The following ATP10A variants were observed in gnomAD, a reference collection of about 807,000 sequenced individuals.
ATP10A encodes phospholipid-transporting ATPase VA.
Under a neutral mutation model 147.8 loss-of-function variants are expected in ATP10A, and 111 were observed. That is an observed-to-expected ratio of 0.75 (90% confidence interval 0.64 to 0.88). ATP10A has a LOEUF of 0.88. ATP10A is among the 40% of genes least tolerant of loss of function. The pLI is 0.00. For synonymous variants in ATP10A, 875 were observed against 841.6 expected (o/e 1.04, Z -0.69); for missense variants, 1,927 against 1,959.0 (o/e 0.98, Z 0.31).
At chr15:25,759,202 T>A (rs1888618912) in intron 2 of ATP10A, among the ~76,000 whole-genome samples, 1 of 152,148 alleles carries the variant, frequency 6.6e-6, no homozygotes, top group African/African-American at 2.4e-5. Flanking sequence ...TATATTCGAG[T>A]GCTATTTCTT....
At chr15:25,705,463 A>AAC (rs1555457333) in intron 12 of ATP10A, among the ~76,000 whole-genome samples, 15 of 2,996 alleles carry the variant, frequency 5.0e-3, no homozygotes, top group South Asian at 0.031. Flanking sequence ...ACAAAAAAAA[A>AAC]AAACAAAAAA....
At chr15:25,690,020 A>G (rs1237901920) in intron 15 of ATP10A, among the ~76,000 whole-genome samples, 1 of 152,272 alleles carries the variant, frequency 6.6e-6, no homozygotes, top group Non-Finnish European at 1.5e-5. Flanking sequence ...AATGAACTAT[A>G]GTTGACCCTT....
intron 1 of ATP10A, among the ~76,000 whole-genome samples, chr15:25,828,376 G>T (rs11638520): frequency 0.39 from 59,030 of 152,108 alleles, 14,345 homozygotes; most frequent in Admixed American, 0.53. Flanking sequence ...GTGTCCTGTA[G>T]TACAGACCAT....
intron 1 of ATP10A, among the ~76,000 whole-genome samples, chr15:25,855,541 AACACACAC>A (rs59597825): frequency 0.051 from 7,470 of 146,080 alleles, 500 homozygotes; most frequent in African/African-American, 0.15. Flanking sequence ...TATTGGTTAA[AACACACAC>A]ACACACACAC....
At chr15:25,693,248 C>T (rs921508265) in intron 14 of ATP10A, among the ~76,000 whole-genome samples, 5 of 152,140 alleles carry the variant, frequency 3.3e-5, no homozygotes, top group Admixed American at 3.3e-4. Flanking sequence ...GTCTCAAACT[C>T]CCGGGCTCAA....
intron 2 of ATP10A, among the ~76,000 whole-genome samples, chr15:25,756,225 A>G (rs2140604591): frequency 6.6e-6 from 1 of 152,318 alleles, no homozygotes; most frequent in African/African-American, 2.4e-5. Context: ...AACACTGGCA[A>G]ATGAAGAATC....
chr15:25,679,646 C>G lies in ATP10A; in HGVS notation c.4195G>C (p.Gly1399Arg), dbSNP rs201793857. The G allele has an allele frequency of 6.2e-7, 1 of 1,613,428 alleles. No individual in the cohort carries two copies. Among genetic ancestry groups the G allele is most frequent in the Admixed American group, 1.7e-5 (1 of 60,026 alleles). The stretch of plus-strand genomic sequence containing the variant: ...CCTGGACTCCTCAGGACAGCCTCCC[C>G]TGGCGCAGAGGACATGGGGGCCGGT... Reference protein sequence around the residue: ...SAPAPMSSAPGEAVLRSPGGC... With the variant: ...SAPAPMSSAPREAVLRSPGGC... Residue 1399 changes from glycine (G) to arginine (R), a missense_variant, in exon 21 of 21, where the codon GGG becomes CGG. Gly to Arg is a moderately radical substitution (Grantham distance 125). Transcript: ENST00000555815.
At chr15:25,845,080 T>C (rs1892958509) in intron 1 of ATP10A, among the ~76,000 whole-genome samples, 1 of 152,192 alleles carries the variant, frequency 6.6e-6, no homozygotes. Flanking sequence ...AAGTGTGTGA[T>C]GAGGTGGACA....
intron 1 of ATP10A, among the ~76,000 whole-genome samples, chr15:25,825,381 T>C (rs989939354): frequency 6.6e-6 from 1 of 152,028 alleles, no homozygotes; most frequent in East Asian, 1.9e-4. Flanking sequence ...ACCACACCCA[T>C]GTGTAGGAAT....
At chr15:25,814,459 C>A (rs953813859) in intron 1 of ATP10A, among the ~76,000 whole-genome samples, 1 of 152,204 alleles carries the variant, frequency 6.6e-6, no homozygotes, top group African/African-American at 2.4e-5. Context: ...CCAGAAATGG[C>A]AAAGATGCCC....
At chr15:25,720,097 C>T (rs1162896231) in intron 7 of ATP10A, among the ~76,000 whole-genome samples, 1 of 152,124 alleles carries the variant, frequency 6.6e-6, no homozygotes, top group Non-Finnish European at 1.5e-5. Context: ...CTGTCAGAAT[C>T]TTTCTGTAAT....
Position 25,830,934 on chromosome 15 carries a change from C to T in ATP10A, c.449+31714G>A, listed in dbSNP as rs1028709020. ...ACTGAACTATGTTCTCAGAGTGGGA[C>T]GGCAATACTTCCCAGGCTTCAGAGC... is the stretch of plus-strand genomic sequence containing the variant. On this transcript the variant is annotated intron_variant, in intron 1 of 20. Transcript: ENST00000555815. Among the ~76,000 whole-genome samples, 11 of 152,320 alleles carry T rather than the reference C, an allele frequency of 7.2e-5. No homozygotes were observed. In the East Asian group the frequency reaches 2.1e-3, roughly 29 times the overall value.
At chr15:25,805,466 T>C (rs891422736) in intron 1 of ATP10A, among the ~76,000 whole-genome samples, 6 of 152,222 alleles carry the variant, frequency 3.9e-5, no homozygotes, top group African/African-American at 1.4e-4. Context: ...GTCCTTATTT[T>C]TGTGCTATCT....
chr15:25,698,013 A>G (rs1900441000), intron 13 of ATP10A, among the ~76,000 whole-genome samples: 1 of 152,208 alleles, frequency 6.6e-6, no homozygotes, highest in African/African-American at 2.4e-5. Flanking sequence ...AAATAAAGAA[A>G]GTTTACCGAA....
intron 2 of ATP10A, among the ~76,000 whole-genome samples, chr15:25,779,670 G>A (rs976439725): frequency 2.0e-5 from 3 of 152,188 alleles, no homozygotes; most frequent in South Asian, 2.1e-4. Flanking sequence ...GCTGGGCGCC[G>A]CCAGGCTGTG....
chr15:25,802,208 T>G (rs899782538), intron 1 of ATP10A, among the ~76,000 whole-genome samples: 1 of 152,218 alleles, frequency 6.6e-6, no homozygotes, highest in Non-Finnish European at 1.5e-5. Flanking sequence ...TGGAAACACG[T>G]GCGTGTGCCT....
chr15:25,687,556 A>C, intron 16 of ATP10A, 147 bp downstream of exon 16: 2 of 568,376 alleles, frequency 3.5e-6, no homozygotes, highest in Non-Finnish European at 5.1e-6. Flanking sequence ...CCAGCCCAGG[A>C]CAGGGGACAA....
intron 13 of ATP10A, among the ~76,000 whole-genome samples, chr15:25,700,599 C>T (rs1351473726): frequency 2.0e-5 from 3 of 152,110 alleles, no homozygotes; most frequent in Non-Finnish European, 4.4e-5. Context: ...CTGGAGTATT[C>T]TGTTTACTTG....
At chr15:25,675,219 T>G (rs1899112735), downstream of ATP10A, among the ~76,000 whole-genome samples, 1 of 152,298 alleles carries the variant, frequency 6.6e-6, no homozygotes, top group East Asian at 1.9e-4. Flanking sequence ...TCGTACACTT[T>G]CCAGCGAAGG....
Sources: allele counts gnomAD v4.1 joint callset (sites outside exome capture counted in the v4.1 genomes callset), GRCh38; gene constraint gnomAD v4.1.1; transcripts MANE v1.5; gene names NCBI Gene and HGNC (gene_info 2026-07-23, HGNC 2026-07-21).